Variants in CCDC192 observed in about 807,000 individuals in gnomAD.
CCDC192 encodes the protein coiled-coil domain-containing protein 192.
chr5:127,756,889 A>G (rs1415267855), intron 3 of CCDC192, among the ~76,000 whole-genome samples: 1 of 152,264 alleles, frequency 6.6e-6, no homozygotes, highest in African/African-American at 2.4e-5. Flanking sequence ...TCTCACTGTC[A>G]TAATTTCCTC....
In CCDC192 at chr5:127,887,539, T is replaced by C. The variant is rs572134204; in HGVS notation, c.535+11878T>C. Among the ~76,000 whole-genome samples, 23 of 152,178 alleles carry C rather than the reference T, an allele frequency of 1.5e-4. No homozygotes were observed. The East Asian group carries it at 4.3e-3, about 28-fold the overall frequency. On this transcript the variant is annotated intron_variant, in intron 6 of 6. Transcript: ENST00000514853. The stretch of plus-strand genomic sequence containing the variant: ...GAACAATTTTGATGGCTCTTCAGAG[T>C]AAATAGGTTTTTGTAACTTTGGATG...
At chr5:127,727,523 A>G (rs922464273) in intron 2 of CCDC192, among the ~76,000 whole-genome samples, 1 of 152,030 alleles carries the variant, frequency 6.6e-6, no homozygotes, top group African/African-American at 2.4e-5. Context: ...AACAGAAAAC[A>G]ACAGCGTCAA....
At chr5:127,843,214 A>G (rs1289329375) in intron 5 of CCDC192, among the ~76,000 whole-genome samples, 7 of 142,566 alleles carry the variant, frequency 4.9e-5, no homozygotes, top group Non-Finnish European at 1.1e-4. Flanking sequence ...TTTTTTTTGT[A>G]TTTTTAGTAG....
At chr5:127,913,455 C>T (rs939647712) in intron 6 of CCDC192, among the ~76,000 whole-genome samples, 6 of 152,280 alleles carry the variant, frequency 3.9e-5, no homozygotes, top group Admixed American at 2.0e-4. Flanking sequence ...AGAAAATATC[C>T]TGAGTATCCT....
At chr5:127,785,019 C>T in intron 3 of CCDC192, 1 of 479,564 alleles carries the variant, frequency 2.1e-6, no homozygotes, top group South Asian at 1.6e-5. Flanking sequence ...TTAATAAAAT[C>T]TGTAGGACTT....
chr5:127,749,606 A>G (rs1211097703), intron 2 of CCDC192, among the ~76,000 whole-genome samples: 3 of 151,984 alleles, frequency 2.0e-5, no homozygotes, highest in African/African-American at 7.3e-5. Context: ...CGGCTTTGGT[A>G]TCAGAATGAT....
At chr5:127,830,051 G>T (rs1160559725) in intron 5 of CCDC192, among the ~76,000 whole-genome samples, 1 of 151,856 alleles carries the variant, frequency 6.6e-6, no homozygotes, top group African/African-American at 2.4e-5. Context: ...CTAAGACTTA[G>T]AACTGTTTTT....
At chr5:127,892,944 G>A (rs1418617382) in intron 6 of CCDC192, among the ~76,000 whole-genome samples, 6 of 152,122 alleles carry the variant, frequency 3.9e-5, no homozygotes, top group Non-Finnish European at 5.9e-5. Flanking sequence ...TACCGCAAGA[G>A]ACAAGATTAA....
intron 2 of CCDC192, among the ~76,000 whole-genome samples, chr5:127,719,922 C>T (rs1434941689): frequency 6.6e-6 from 1 of 151,970 alleles, no homozygotes; most frequent in Non-Finnish European, 1.5e-5. Context: ...TGTCCACCCC[C>T]CGATCCAATC....
intron 5 of CCDC192, among the ~76,000 whole-genome samples, chr5:127,802,083 C>T (rs772404880): frequency 5.9e-5 from 9 of 152,126 alleles, no homozygotes; most frequent in Non-Finnish European, 1.2e-4. Context: ...AGGGAGAGAA[C>T]CTCAGGCCAA....
intron 6 of CCDC192, among the ~76,000 whole-genome samples, chr5:127,878,179 C>A (rs993539031): frequency 3.9e-5 from 6 of 152,206 alleles, no homozygotes; most frequent in African/African-American, 1.2e-4. Flanking sequence ...GGCTGCCCTC[C>A]TTATCATATA....
At chr5:127,932,118 C>T (rs900123669) in intron 6 of CCDC192, among the ~76,000 whole-genome samples, 7 of 148,176 alleles carry the variant, frequency 4.7e-5, no homozygotes, top group Non-Finnish European at 1.0e-4. Flanking sequence ...CGTGCCACTG[C>T]GCTCCAGCCT....
intron 6 of CCDC192, among the ~76,000 whole-genome samples, chr5:127,891,832 T>A (rs1480709445): frequency 6.6e-6 from 1 of 152,226 alleles, no homozygotes; most frequent in African/African-American, 2.4e-5. Flanking sequence ...TCCATCTAGA[T>A]GATGGTATTC....
At chr5:127,921,677 G>C (rs1160556472) in intron 6 of CCDC192, among the ~76,000 whole-genome samples, 1 of 152,098 alleles carries the variant, frequency 6.6e-6, no homozygotes, top group Non-Finnish European at 1.5e-5. Flanking sequence ...TGACACACAC[G>C]GAGGGGCTGA....
chr5:127,788,644 G>A (rs992714770), intron 3 of CCDC192, among the ~76,000 whole-genome samples: 1 of 151,948 alleles, frequency 6.6e-6, no homozygotes, highest in African/African-American at 2.4e-5. Context: ...ATTTTCTAGT[G>A]TTCCATTTTG....
intron 6 of CCDC192, among the ~76,000 whole-genome samples, chr5:127,881,658 A>G (rs1028991149): frequency 1.3e-5 from 2 of 152,284 alleles, no homozygotes; most frequent in Non-Finnish European, 2.9e-5. Context: ...CCAAGGAAAT[A>G]AACGATTTAA....
At chr5:127,803,886 T>G (rs1757640322) in intron 5 of CCDC192, among the ~76,000 whole-genome samples, 1 of 152,170 alleles carries the variant, frequency 6.6e-6, no homozygotes, top group Admixed American at 6.6e-5. Context: ...AACTAAACAG[T>G]TAAAAACATC....
At chr5:127,932,361 C>T (rs1329774129) in intron 6 of CCDC192, among the ~76,000 whole-genome samples, 3 of 151,746 alleles carry the variant, frequency 2.0e-5, no homozygotes, top group Non-Finnish European at 4.4e-5. Context: ...TGCGCCACCA[C>T]GCCCGGCTAA....
chr5:127,723,286 T>C (rs1752128965), intron 2 of CCDC192, among the ~76,000 whole-genome samples: 1 of 152,238 alleles, frequency 6.6e-6, no homozygotes, highest in South Asian at 2.1e-4. Flanking sequence ...GAAATGTTAC[T>C]GATTTTTGTA....
Sources: allele counts gnomAD v4.1 joint callset (sites outside exome capture counted in the v4.1 genomes callset), GRCh38; gene constraint gnomAD v4.1.1; transcripts MANE v1.5; gene names NCBI Gene and HGNC (gene_info 2026-07-23, HGNC 2026-07-21).